The following ABI1 variants were observed in gnomAD, a reference collection of about 807,000 sequenced individuals.
ABI1 encodes the protein abl interactor 1, also known as Abelson interactor 1.
In ABI1, 14 loss-of-function variants were observed where a neutral mutation model predicts 54.6. That is an observed-to-expected ratio of 0.26 (90% CI 0.17 to 0.40). ABI1 has a LOEUF of 0.40. Among genes scored for constraint, ABI1 ranks in the 10% least tolerant of loss-of-function variants. The probability of loss-of-function intolerance (pLI) is 1.00; values close to 1 mark genes in which losing one functional copy is unlikely to be tolerated. For synonymous variants in ABI1, 194 were observed against 209.3 expected, an observed-to-expected ratio of 0.93 and a Z score of 0.63; for missense variants, 443 against 598.3, an observed-to-expected ratio of 0.74 and a Z score of 2.71.
At chr10:26,770,176 A>T in intron 5 of ABI1, 69 bp downstream of exon 5, 1 of 1,302,192 alleles carries the variant, frequency 7.7e-7, no homozygotes, top group Non-Finnish European at 1.1e-6. Flanking sequence ...CCATACACTT[A>T]CTTAAGTCAC....
intron 2 of ABI1, among the ~76,000 whole-genome samples, chr10:26,811,974 G>A (rs995449109): frequency 1.3e-5 from 2 of 152,128 alleles, no homozygotes; most frequent in African/African-American, 4.8e-5. Context: ...TCAGGAGGGG[G>A]TGTTCACTTG....
At chr10:26,818,498 T>C (rs1480233021) in intron 2 of ABI1, among the ~76,000 whole-genome samples, 1 of 151,164 alleles carries the variant, frequency 6.6e-6, no homozygotes, top group African/African-American at 2.4e-5. Flanking sequence ...TAATCCTAGC[T>C]ACTCAGTAGG....
At chr10:26,839,889 C>T in intron 1 of ABI1, 1 of 639,142 alleles carries the variant, frequency 1.6e-6, no homozygotes. Context: ...ACTTGGAAGG[C>T]TAAGGCAAGG....
At chr10:26,849,252 C>T (rs774387207) in intron 1 of ABI1, among the ~76,000 whole-genome samples, 2 of 151,934 alleles carry the variant, frequency 1.3e-5, no homozygotes, top group Non-Finnish European at 1.5e-5. Context: ...TAGAGGTAAT[C>T]AAGGCAATGT....
chr10:26,855,967 T>A (rs1250134637), intron 1 of ABI1, among the ~76,000 whole-genome samples: 1 of 74,992 alleles, frequency 1.3e-5, no homozygotes, highest in Admixed American at 1.6e-4. Context: ...CAAGACTCCA[T>A]CTCAAAAAAA....
At chr10:26,784,691 G>A (rs1339331057) in intron 2 of ABI1, among the ~76,000 whole-genome samples, 1 of 152,140 alleles carries the variant, frequency 6.6e-6, no homozygotes, top group Non-Finnish European at 1.5e-5. Context: ...TGCACACCAA[G>A]GGAAAAATCA....
chr10:26,845,872 G>A (rs906564360), intron 1 of ABI1, among the ~76,000 whole-genome samples: 2 of 151,716 alleles, frequency 1.3e-5, no homozygotes, highest in African/African-American at 4.8e-5. Context: ...GACAAGCACA[G>A]TGGCTCATGC....
intron 1 of ABI1, among the ~76,000 whole-genome samples, chr10:26,846,424 C>T (rs893667762): frequency 2.0e-5 from 3 of 151,268 alleles, no homozygotes; most frequent in Non-Finnish European, 4.4e-5. Flanking sequence ...CTCGCTGCAA[C>T]CTCCGCCTCC....
chr10:26,754,947 C>CG (rs926332307), intron 9 of ABI1, among the ~76,000 whole-genome samples: 2 of 146,588 alleles, frequency 1.4e-5, no homozygotes, highest in Non-Finnish European at 3.0e-5. Flanking sequence ...ACTTCTCCCC[C>CG]CCCACAAAAA....
At chr10:26,857,830 G>A in intron 1 of ABI1, among the ~76,000 whole-genome samples, 2 of 138,696 alleles carry the variant, frequency 1.4e-5, no homozygotes, top group Non-Finnish European at 1.5e-5. Flanking sequence ...CAGCCTGGGT[G>A]ACAGAGCAAG....
chr10:26,860,433 G>A lies in ABI1; in HGVS notation c.117+314C>T, dbSNP rs1487117058. Among the ~76,000 whole-genome samples, 1 of 152,170 alleles carries A rather than the reference G, an allele frequency of 6.6e-6. No individual in the cohort carries two copies. The highest frequency in any genetic ancestry group is 2.4e-5 in the African/African-American group (1 of 41,452). ...ACCTGGGGGGCGCGCGACCCCGGTG[G>A]CCGGGCCCTGGGGGAAGCGGACGCG... On this transcript the variant is annotated intron_variant, in intron 1 of 10. Transcript: ENST00000376140. This position sits in a 1 kb window ranked among gnomAD's most constrained non-coding sequence, Gnocchi z 4.1.
rs1487218235 is a variant in ABI1, at chr10:26,759,168, A to G, written c.891T>C (p.Thr297=). 6.2e-7 allele frequency: 1 copy of G among 1,614,126 alleles called. No homozygotes were observed. Among genetic ancestry groups the G allele is most frequent in the Non-Finnish European group, 8.5e-7 (1 of 1,179,988 alleles). The change falls in exon 8 of 11, where the codon ACT becomes ACC. Residue 297 remains threonine, a synonymous_variant. Transcript: ENST00000376140. ...ATCCACCAGAAGATGTCGAAGAAGT[A>G]GTAGAGTTGTGTCGAGATATCTGCC... The part of the protein sequence containing the change: ...MTRQISRHNS[T]TSSTSSGGYR...
At chr10:26,839,917 G>A (rs2049367030) in intron 1 of ABI1, 3 of 592,988 alleles carry the variant, frequency 5.1e-6, no homozygotes, top group Non-Finnish European at 9.0e-6. Context: ...TGGAACCCAG[G>A]ACTTTGGGAC....
At chr10:26,770,367 T>G in intron 4 of ABI1, 22 bp from the exon 5 acceptor site, 1 of 1,587,146 alleles carries the variant, frequency 6.3e-7, no homozygotes, top group Non-Finnish European at 8.7e-7. Flanking sequence ...AAAGAAATGC[T>G]TTTATTTTTA....
intron 2 of ABI1, among the ~76,000 whole-genome samples, chr10:26,797,426 G>A (rs149016647): frequency 5.3e-5 from 8 of 152,288 alleles, no homozygotes; most frequent in Non-Finnish European, 1.2e-4. Flanking sequence ...ACTGAATTCC[G>A]CTTGTCATTG....
intron 10 of ABI1, among the ~76,000 whole-genome samples, chr10:26,751,090 AT>A (rs10716457): frequency 0.57 from 87,328 of 151,906 alleles, 27,023 homozygotes; most frequent in African/African-American, 0.82. Context: ...TTCAACTTGT[AT>A]TTTTTTTACT....
intron 1 of ABI1, among the ~76,000 whole-genome samples, chr10:26,827,725 T>C (rs1274595044): frequency 1.3e-5 from 2 of 151,996 alleles, no homozygotes; most frequent in Admixed American, 1.3e-4. Flanking sequence ...CCCAAGTAGC[T>C]GGGACTACAG....
At position 26,768,953 on chromosome 10, in the gene ABI1, G is replaced by A. The variant is rs968110385; in HGVS notation, c.618C>T (p.Pro206=). 2.5e-6 allele frequency: 4 copies of A among 1,612,682 alleles called. No individual in the cohort carries two copies. The Admixed American group carries it at 5.0e-5, about 20-fold the overall frequency. ...TPYKTLEPVK[P]PTVPNDYMTS... is the part of the protein sequence containing the mutation. ...TCATATAGTCATTAGGAACTGTTGGGGGTTTAACAGGTTCCAGGGTTTTAT... is the reference window on the plus strand; with the variant it reads ...TCATATAGTCATTAGGAACTGTTGGAGGTTTAACAGGTTCCAGGGTTTTAT... The change falls in exon 6 of 11, where the codon CCC becomes CCT. Residue 206 remains proline (P), a synonymous_variant. Transcript: ENST00000376140.
intron 5 of ABI1, among the ~76,000 whole-genome samples, chr10:26,769,917 G>C (rs1840456076): frequency 6.6e-6 from 1 of 152,174 alleles, no homozygotes; most frequent in African/African-American, 2.4e-5. Flanking sequence ...GTAAACACAT[G>C]CAAAGGCACC....
Sources: gnomAD v4.1 joint callset for allele counts (sites outside exome capture counted in the v4.1 genomes callset) on GRCh38, gnomAD v4.1.1 for gene constraint, Gnocchi (gnomAD v3.1) non-coding constraint, MANE v1.5 for transcripts, NCBI Gene and HGNC (gene_info 2026-07-23, HGNC 2026-07-21) for gene names.